The following AGAP1 variants were observed in gnomAD, a reference collection of about 807,000 sequenced individuals.
The protein encoded by AGAP1 is ArfGAP with GTPase domain, ankyrin repeat and PH domain 1.
Under a neutral mutation model 105.3 loss-of-function variants are expected in AGAP1, and 29 were observed. The observed-to-expected ratio is 0.28, with a 90% CI of 0.21 to 0.38. The LOEUF is 0.38. Among genes scored for constraint, AGAP1 ranks in the 10% least tolerant of loss-of-function variants. The pLI is 1.00. For missense variants in AGAP1, 998 were observed against 1,165.1 expected, an observed-to-expected ratio of 0.86 and a Z score of 2.09; for synonymous variants, 509 against 485.9, an observed-to-expected ratio of 1.05 and a Z score of -0.63.
chr2:235,885,230 G>A (rs532444875), intron 10 of AGAP1, among the ~76,000 whole-genome samples: 4 of 152,198 alleles, frequency 2.6e-5, no homozygotes, highest in African/African-American at 9.6e-5. Flanking sequence ...ACTGCCCACA[G>A]CCTGCCTTCC....
intron 13 of AGAP1, among the ~76,000 whole-genome samples, chr2:236,017,151 A>T (rs1029106675): frequency 6.6e-6 from 1 of 151,790 alleles, no homozygotes; most frequent in African/African-American, 2.4e-5. Flanking sequence ...AAATTACCCG[A>T]GCATAGTGGC....
intron 5 of AGAP1, among the ~76,000 whole-genome samples, chr2:235,746,377 C>CTTTTTCTTTTTTTTTTTTTT (rs1553620164): frequency 3.6e-5 from 2 of 55,546 alleles, no homozygotes; most frequent in South Asian, 1.1e-3. Context: ...CCTCCCCCAA[C>CTTTTTCTTTTTTTTTTTTTT]TTTTTTTTTT....
In AGAP1 at chr2:235,731,179, A is replaced by G. The variant is rs1245242033; in HGVS notation, c.311-9784A>G. Among the ~76,000 whole-genome samples, 5 of 152,182 alleles carry G rather than the reference A, an allele frequency of 3.3e-5. No individual in the cohort carries two copies. The East Asian group carries it at 9.6e-4, about 29-fold the overall frequency. On this transcript the variant is annotated intron_variant, in intron 3 of 17. Coordinates refer to ENST00000304032, the MANE Select transcript of AGAP1 (RefSeq NM_001037131.3). ...ATGTTCTTGACCTGTGTAGGGTGGTAGTGGAGAAACAGGCACAGGCCCTTG... is the reference window on the plus strand; with the variant it reads ...ATGTTCTTGACCTGTGTAGGGTGGTGGTGGAGAAACAGGCACAGGCCCTTG...
rs1033966737 is a variant in AGAP1, at chr2:236,062,012, C to T, written c.2114+12731C>T. On this transcript the variant is annotated intron_variant, in intron 16 of 17. Coordinates refer to ENST00000304032, the MANE Select transcript of AGAP1 (RefSeq NM_001037131.3). This position sits in a 1 kb window ranked among gnomAD's most constrained non-coding sequence, Gnocchi z 4.2. ...CGGGGGCCTGGGTGCGGGCCGAGGG[C>T]TGGCGTGGCTGCCCCTCCTCAGGCC... Among the ~76,000 whole-genome samples the T allele has an allele frequency of 6.6e-6, 1 of 152,142 alleles. No individual in the cohort carries two copies. The highest frequency in any genetic ancestry group is 2.4e-5 in the African/African-American group (1 of 41,418).
rs961435421 is a variant in AGAP1 at position 236,053,936 on chromosome 2, C to T, written c.2114+4655C>T. ...TTTTAGCATCCTTTTTCTTTTTCTT[C>T]CCCCCATTATTTGTAAGTTCACCTC... is the stretch of plus-strand genomic sequence containing the variant. On this transcript the variant is annotated intron_variant, in intron 16 of 17. Transcript: ENST00000304032. This position sits in a 1 kb window ranked among gnomAD's most constrained non-coding sequence, Gnocchi z 4.6. Among the ~76,000 whole-genome samples the T allele has an allele frequency of 2.0e-5, 3 of 152,110 alleles. No individual in the cohort carries two copies. The highest frequency in any genetic ancestry group is 6.5e-5 in the Admixed American group (1 of 15,274).
At chr2:235,896,912 A>G (rs1392904373) in intron 10 of AGAP1, among the ~76,000 whole-genome samples, 1 of 152,218 alleles carries the variant, frequency 6.6e-6, no homozygotes, top group African/African-American at 2.4e-5. Context: ...TCTTTGTTTT[A>G]TATACCCTCA....
chr2:235,536,686 T>C (rs1027118398), intron 1 of AGAP1, among the ~76,000 whole-genome samples: 1 of 146,840 alleles, frequency 6.8e-6, no homozygotes, highest in Non-Finnish European at 1.5e-5. Context: ...CACCCCTTGC[T>C]TATGTCCTCC....
chr2:235,543,478 G>C (rs181946146), intron 1 of AGAP1, among the ~76,000 whole-genome samples: 1 of 152,316 alleles, frequency 6.6e-6, no homozygotes, highest in African/African-American at 2.4e-5. Flanking sequence ...ACATGGCAGA[G>C]CATCCAGAGA....
At chr2:235,790,962 T>TTA (rs1956941005) in intron 6 of AGAP1, among the ~76,000 whole-genome samples, 1 of 152,206 alleles carries the variant, frequency 6.6e-6, no homozygotes, top group South Asian at 2.1e-4. Context: ...GGTTCACTGA[T>TTA]TGTCATTAAG....
intron 13 of AGAP1, among the ~76,000 whole-genome samples, chr2:236,010,617 T>C (rs2056477897): frequency 6.6e-6 from 1 of 152,244 alleles, no homozygotes; most frequent in East Asian, 1.9e-4. Flanking sequence ...GCACACTTTG[T>C]CCACGTTAGG....
chr2:235,499,154 C>G (rs1941453166), intron 1 of AGAP1, among the ~76,000 whole-genome samples: 1 of 152,204 alleles, frequency 6.6e-6, no homozygotes, highest in Non-Finnish European at 1.5e-5. Flanking sequence ...GACCTCACCT[C>G]TGGCCCTCTG....
rs34001914 is a variant in AGAP1, at chr2:235,898,472, T to TC, written c.1156-10257dup. On this transcript the variant is annotated intron_variant, in intron 10 of 17. Coordinates refer to ENST00000304032, the MANE Select transcript of AGAP1 (RefSeq NM_001037131.3). ...TGTCATGCGTTTGCAGAGGACAGGT[T>TC]CCCCCCCCCACCCCCACCCCCGCCT... Among the ~76,000 whole-genome samples the TC allele has an allele frequency of 2.2e-3, 269 of 121,406 alleles. 1 individual carries two copies. Among genetic ancestry groups the TC allele is most frequent in the Middle Eastern group, 4.2e-3 (1 of 236 alleles). 79.6% of individuals were successfully genotyped at this position (121,406 alleles called of 152,430 possible).
intron 1 of AGAP1, among the ~76,000 whole-genome samples, chr2:235,543,002 G>A (rs983805194): frequency 2.6e-5 from 4 of 151,966 alleles, no homozygotes; most frequent in African/African-American, 4.8e-5. Flanking sequence ...TGCTGAGGGT[G>A]GACTTTTCTT....
chr2:235,834,900 C>T (rs1466738295), intron 9 of AGAP1, among the ~76,000 whole-genome samples: 5 of 152,128 alleles, frequency 3.3e-5, no homozygotes, highest in African/African-American at 9.7e-5. Context: ...AATCACGCCA[C>T]GCAGGTGGAA....
chr2:236,099,088 A>G (rs1182221420), intron 16 of AGAP1, among the ~76,000 whole-genome samples: 1 of 151,930 alleles, frequency 6.6e-6, no homozygotes, highest in Non-Finnish European at 1.5e-5. Context: ...CTTCACTGCA[A>G]GGAGGGACAG....
chr2:235,823,870 T>C (rs1332961300), intron 9 of AGAP1, among the ~76,000 whole-genome samples: 5 of 152,178 alleles, frequency 3.3e-5, no homozygotes, highest in African/African-American at 1.2e-4. Flanking sequence ...TCTAGCAGGC[T>C]CATTGATTCC....
chr2:235,718,019 T>C (rs1306810931), intron 3 of AGAP1, among the ~76,000 whole-genome samples: 1 of 152,234 alleles, frequency 6.6e-6, no homozygotes, highest in Non-Finnish European at 1.5e-5. Flanking sequence ...GTAATGTTAC[T>C]TAGTCATAGA....
intron 5 of AGAP1, among the ~76,000 whole-genome samples, chr2:235,748,543 T>C (rs534967122): frequency 1.3e-5 from 2 of 152,316 alleles, no homozygotes; most frequent in Admixed American, 6.5e-5. Flanking sequence ...GTGCAGCCTA[T>C]GGAGGCTGTA....
chr2:235,599,477 G>C lies in AGAP1; in HGVS notation c.163+104628G>C, dbSNP rs1202290888. On this transcript the variant is annotated intron_variant, in intron 1 of 17. Coordinates refer to ENST00000304032, the MANE Select transcript of AGAP1 (RefSeq NM_001037131.3). This position sits in a 1 kb window ranked among gnomAD's most constrained non-coding sequence, Gnocchi z 5.3. ...GCAGAGGGCAGTTATGTGTGATGTG[G>C]GAAATGACTGCAAAGCTATCTTACT... is the stretch of plus-strand genomic sequence containing the variant. 6.6e-6 allele frequency among the ~76,000 whole-genome samples: 1 copy of C among 152,122 alleles called. No homozygotes were observed. Among genetic ancestry groups the C allele is most frequent in the Non-Finnish European group, 1.5e-5 (1 of 68,028 alleles).
Sources: gnomAD v4.1 joint callset for allele counts (sites outside exome capture counted in the v4.1 genomes callset) on GRCh38, gnomAD v4.1.1 for gene constraint, Gnocchi (gnomAD v3.1) non-coding constraint, MANE v1.5 for transcripts, NCBI Gene and HGNC (gene_info 2026-07-23, HGNC 2026-07-21) for gene names.